The following COL5A1 variants were observed in gnomAD, a reference collection of about 807,000 sequenced individuals.
COL5A1 encodes collagen alpha-1(V) chain.
COL5A1 carries 16 observed loss-of-function variants against 263.7 expected under a neutral mutation model. That is an observed-to-expected ratio of 0.06 (90% CI 0.04 to 0.09). The LOEUF is 0.09. COL5A1 is among the 10% of genes least tolerant of loss of function. COL5A1 has a pLI of 1.00. For missense variants in COL5A1, 2,036 were observed against 2,540.5 expected (o/e 0.80, Z 4.27); for synonymous variants, 1,012 against 1,004.5 (o/e 1.01, Z -0.14).
intron 31 of COL5A1, among the ~76,000 whole-genome samples, chr9:134,787,255 G>T (rs1837493708): frequency 6.6e-6 from 1 of 152,224 alleles, no homozygotes; most frequent in African/African-American, 2.4e-5. Context: ...TGGTACATGT[G>T]TCCTGGGCAG....
intron 9 of COL5A1, among the ~76,000 whole-genome samples, chr9:134,733,489 C>G (rs1050330424): frequency 5.3e-5 from 8 of 152,182 alleles, no homozygotes; most frequent in Admixed American, 2.6e-4. Context: ...TCTCGGACCC[C>G]CTTTCCAGTG....
intron 1 of COL5A1, among the ~76,000 whole-genome samples, chr9:134,655,382 G>A (rs1386561793): frequency 6.6e-6 from 1 of 151,972 alleles, no homozygotes; most frequent in African/African-American, 2.4e-5. Flanking sequence ...GAGGGTGGAG[G>A]GCGGCTGTGT....
At chr9:134,760,193 A>AC (rs796954325) in intron 18 of COL5A1, among the ~76,000 whole-genome samples, 2 of 96,442 alleles carry the variant, frequency 2.1e-5, no homozygotes, top group Non-Finnish European at 4.0e-5. Flanking sequence ...ACACCCCCAC[A>AC]CCCCCACACT....
intron 1 of COL5A1, among the ~76,000 whole-genome samples, chr9:134,653,929 GGTGTA>G: frequency 6.7e-6 from 1 of 150,362 alleles, no homozygotes; most frequent in African/African-American, 2.4e-5. Flanking sequence ...GTGTAGGGCT[GGTGTA>G]TGTAGGGCTG....
intron 28 of COL5A1, among the ~76,000 whole-genome samples, chr9:134,780,857 CA>C (rs1203324089): frequency 1.3e-5 from 2 of 152,034 alleles, no homozygotes; most frequent in African/African-American, 4.8e-5. Flanking sequence ...ATTTAGGCCT[CA>C]GGGGCGGCCT....
intron 44 of COL5A1, 41 bp from the exon 45 acceptor site, chr9:134,811,298 G>C: frequency 1.9e-6 from 3 of 1,601,714 alleles, no homozygotes; most frequent in African/African-American, 1.3e-5. Context: ...CCTTATCCAC[G>C]ATCCAAGAAG....
intron 44 of COL5A1, among the ~76,000 whole-genome samples, chr9:134,810,979 A>G (rs1554804756): frequency 6.6e-6 from 1 of 152,134 alleles, no homozygotes; most frequent in Non-Finnish European, 1.5e-5. Flanking sequence ...AGCAGGGGAC[A>G]TGGTGCTGGG....
At chr9:134,722,441 G>A (rs1238395479) in intron 4 of COL5A1, among the ~76,000 whole-genome samples, 1 of 152,222 alleles carries the variant, frequency 6.6e-6, no homozygotes, top group Non-Finnish European at 1.5e-5. Flanking sequence ...ACCTTATGCA[G>A]GGCCTGCAAG....
At chr9:134,690,092 G>A (rs569104749) in intron 1 of COL5A1, among the ~76,000 whole-genome samples, 1 of 152,218 alleles carries the variant, frequency 6.6e-6, no homozygotes, top group South Asian at 2.1e-4. Context: ...TAATGATCAC[G>A]GCTTCAGTGG....
intron 60 of COL5A1, 70 bp from the exon 61 acceptor site, chr9:134,823,346 G>C: frequency 6.4e-7 from 1 of 1,550,828 alleles, no homozygotes; most frequent in Non-Finnish European, 8.9e-7. Context: ...GACCATTCTA[G>C]AGCTGAAGGT....
At position 134,742,309 on chromosome 9, in the gene COL5A1, G is replaced by A. The variant is rs72774420; in HGVS notation, c.1494+3501G>A. ...CCTGCCTTAAGAAACTCACCGTCCA[G>A]TGAGGAAGAAAAGGCACAGACCAGG... is the stretch of plus-strand genomic sequence containing the variant. On this transcript the variant is annotated intron_variant, in intron 11 of 65. Transcript: ENST00000371817. The surrounding 1 kb of genome is among the most constrained non-coding windows in gnomAD (Gnocchi z 4.6). 9.9e-5 allele frequency among the ~76,000 whole-genome samples: 15 copies of A among 151,962 alleles called. No homozygotes were observed. Among genetic ancestry groups the A allele is most frequent in the Non-Finnish European group, 2.1e-4 (14 of 67,936 alleles).
intron 19 of COL5A1, among the ~76,000 whole-genome samples, chr9:134,762,461 T>G (rs1836490734): frequency 6.6e-6 from 1 of 152,074 alleles, no homozygotes; most frequent in African/African-American, 2.4e-5. Context: ...GCTGTGGCCA[T>G]GGGGCCAGAG....
rs559429449 is a variant in COL5A1 at position 134,712,255 on chromosome 9, C to G, written c.654+10922C>G. On this transcript the variant is annotated intron_variant, in intron 4 of 65. Transcript: ENST00000371817. ...CTTCTTATCCCCCTTCTTCCTTCCT[C>G]CCCCCTCCTTCCTGACTCTCTTCTT... Among the ~76,000 whole-genome samples the G allele has an allele frequency of 1.8e-3, 52 of 28,720 alleles. 2 individuals are homozygous for G. Among genetic ancestry groups the G allele is most frequent in the Admixed American group, 9.3e-3 (27 of 2,914 alleles). 18.8% of individuals were successfully genotyped at this position (28,720 alleles called of 152,430 possible). A position where few individuals can be genotyped will look rare whatever the true frequency, so the allele number is the denominator to read the frequency against.
At chr9:134,829,150 C>T (rs1839462583) in intron 63 of COL5A1, among the ~76,000 whole-genome samples, 1 of 152,246 alleles carries the variant, frequency 6.6e-6, no homozygotes, top group African/African-American at 2.4e-5. Context: ...TCATTCCCTC[C>T]CTCAGTGAGC....
chr9:134,768,894 G>A (rs534314101), intron 25 of COL5A1, among the ~76,000 whole-genome samples: 23 of 152,298 alleles, frequency 1.5e-4, no homozygotes, highest in Admixed American at 9.1e-4. Flanking sequence ...CAGTGTGTGC[G>A]CGCACAGCTG....
chr9:134,736,148 GGTGGCCT>G (rs755572399), intron 9 of COL5A1, among the ~76,000 whole-genome samples: 22 of 152,298 alleles, frequency 1.4e-4, no homozygotes, highest in African/African-American at 2.2e-4. Context: ...AGCAGCCTCC[GGTGGCCT>G]GTGGCCTGTG....
At chr9:134,810,878 G>A (rs111961444) in intron 44 of COL5A1, among the ~76,000 whole-genome samples, 8 of 152,150 alleles carry the variant, frequency 5.3e-5, no homozygotes, top group African/African-American at 1.7e-4. Flanking sequence ...TCTTCCAGCC[G>A]TGGGTTGGGC....
chr9:134,728,999 G>A (rs1469876962), intron 6 of COL5A1, among the ~76,000 whole-genome samples, 192 bp downstream of exon 6: 4 of 152,238 alleles, frequency 2.6e-5, no homozygotes, highest in Non-Finnish European at 5.9e-5. Context: ...CGGGCTTTCC[G>A]CAGTGAGGAG....
chr9:134,813,004 C>T (rs1046843321), intron 48 of COL5A1, among the ~76,000 whole-genome samples: 3 of 152,120 alleles, frequency 2.0e-5, no homozygotes, highest in Admixed American at 1.3e-4. Context: ...AATTTCCAGA[C>T]GATGCCCCAC....
Sources: allele counts gnomAD v4.1 joint callset (sites outside exome capture counted in the v4.1 genomes callset), GRCh38; gene constraint gnomAD v4.1.1; non-coding constraint Gnocchi (gnomAD v3.1); transcripts MANE v1.5; gene names NCBI Gene and HGNC (gene_info 2026-07-23, HGNC 2026-07-21).